Variants in WDSUB1 observed in about 807,000 individuals in gnomAD.
WDSUB1 encodes the protein WD repeat, SAM and U-box domain-containing protein 1.
Under a neutral mutation model 53.9 loss-of-function variants are expected in WDSUB1, and 49 were observed. The observed-to-expected ratio is 0.91, with a 90% confidence interval of 0.72 to 1.15. The LOEUF is 1.15. WDSUB1 is among the 50% of genes most tolerant of loss of function. The pLI is 0.00. For missense variants in WDSUB1, 514 were observed against 562.0 expected, an observed-to-expected ratio of 0.91 and a Z score of 0.86; for synonymous variants, 194 against 200.6, an observed-to-expected ratio of 0.97 and a Z score of 0.28.
intron 3 of WDSUB1, among the ~76,000 whole-genome samples, chr2:159,276,246 G>A (rs187862736): frequency 6.5e-4 from 99 of 152,166 alleles, no homozygotes; most frequent in African/African-American, 2.3e-3. Flanking sequence ...GTTTTTAGTA[G>A]AGACGGGGTT....
chr2:159,241,206 AC>A (rs1304705158), intron 10 of WDSUB1, among the ~76,000 whole-genome samples: 1 of 152,200 alleles, frequency 6.6e-6, no homozygotes, highest in Non-Finnish European at 1.5e-5. Context: ...TGGAACACCT[AC>A]CAGTGCAGGG....
chr2:159,269,165 A>ATTTTT (rs11324784), intron 5 of WDSUB1, among the ~76,000 whole-genome samples: 2 of 108,322 alleles, frequency 1.8e-5, no homozygotes, highest in Admixed American at 1.0e-4. Context: ...CTTTCCACAG[A>ATTTTT]TTTTTTTTTT....
At chr2:159,265,091 A>AC (rs1243992574) in intron 5 of WDSUB1, among the ~76,000 whole-genome samples, 22 of 146,096 alleles carry the variant, frequency 1.5e-4, no homozygotes, top group African/African-American at 5.8e-4. Flanking sequence ...TCTCAAAAAA[A>AC]AAAAAAAATA....
At chr2:159,271,233 A>T (rs982227176) in intron 5 of WDSUB1, among the ~76,000 whole-genome samples, 3 of 152,240 alleles carry the variant, frequency 2.0e-5, no homozygotes, top group African/African-American at 2.4e-5. Context: ...ATGAACATGT[A>T]CACCAGGACA....
chr2:159,258,883 C>T (rs112859668), intron 6 of WDSUB1, among the ~76,000 whole-genome samples: 1 of 152,300 alleles, frequency 6.6e-6, no homozygotes, highest in African/African-American at 2.4e-5. Flanking sequence ...CTCAGTGACT[C>T]GAACTTCTGT....
intron 9 of WDSUB1, among the ~76,000 whole-genome samples, chr2:159,253,678 C>T (rs76162448): frequency 0.032 from 4,809 of 152,158 alleles, 116 homozygotes; most frequent in African/African-American, 0.06. Context: ...CAAAGGCAAA[C>T]GCAGGTAAAA....
chr2:159,241,008 G>A (rs541675112), intron 10 of WDSUB1, among the ~76,000 whole-genome samples: 15 of 152,284 alleles, frequency 9.9e-5, no homozygotes, highest in African/African-American at 3.1e-4. Context: ...GCATGAAAGA[G>A]AAAAGTCTAC....
chr2:159,244,466 A>T (rs1473659310), intron 10 of WDSUB1, among the ~76,000 whole-genome samples: 1 of 151,702 alleles, frequency 6.6e-6, no homozygotes, highest in South Asian at 2.1e-4. Context: ...TAAGCTAGAG[A>T]TGATTTGAAA....
At chr2:159,247,507 G>A (rs552698267) in intron 10 of WDSUB1, among the ~76,000 whole-genome samples, 38 of 151,816 alleles carry the variant, frequency 2.5e-4, no homozygotes, top group East Asian at 3.9e-4. Flanking sequence ...GGAAAACCAG[G>A]TACAATTAGA....
chr2:159,275,944 A>G (rs913598056), intron 3 of WDSUB1, among the ~76,000 whole-genome samples: 1 of 152,222 alleles, frequency 6.6e-6, no homozygotes, highest in Non-Finnish European at 1.5e-5. Context: ...CTCTAACTCA[A>G]TTTGAGAGTC....
intron 5 of WDSUB1, among the ~76,000 whole-genome samples, chr2:159,261,874 ATATATATATATATATATATATATTTTT>A (rs1329715111): frequency 9.2e-4 from 13 of 14,066 alleles, no homozygotes; most frequent in South Asian, 2.9e-3. Flanking sequence ...ATATATATAT[ATATATATATATATATATATATATTTTT>A]TTTTTTTTTT....
At chr2:159,245,014 G>C (rs182248046) in intron 10 of WDSUB1, among the ~76,000 whole-genome samples, 1 of 152,272 alleles carries the variant, frequency 6.6e-6, no homozygotes, top group Admixed American at 6.5e-5. Context: ...TAACAGAAAA[G>C]AAGACCTAAG....
At chr2:159,268,506 G>C (rs1379642227) in intron 5 of WDSUB1, among the ~76,000 whole-genome samples, 1 of 152,138 alleles carries the variant, frequency 6.6e-6, no homozygotes, top group Non-Finnish European at 1.5e-5. Context: ...TGGCTGTTTG[G>C]CAAGAATTGG....
chr2:159,270,954 T>C (rs910643497), intron 5 of WDSUB1, among the ~76,000 whole-genome samples: 1 of 152,248 alleles, frequency 6.6e-6, no homozygotes, highest in South Asian at 2.1e-4. Context: ...AAAATACATA[T>C]GGCTAATAAA....
At chr2:159,236,240 G>A in intron 10 of WDSUB1, 50 bp from the exon 11 acceptor site, 1 of 1,546,644 alleles carries the variant, frequency 6.5e-7, no homozygotes, top group Non-Finnish European at 8.8e-7. Context: ...AGGGAAATGA[G>A]GATGTCTAAA....
rs1305266234 is a variant in WDSUB1, at chr2:159,247,466, T to C, written c.1273+906A>G. On this transcript the variant is annotated intron_variant, in intron 10 of 10. Transcript: ENST00000359774. ...CAACTATTAAGCTGGCAAAAGTAAATGGAGTTATAAAATACAATGATCACA... is the reference window on the plus strand; with the variant it reads ...CAACTATTAAGCTGGCAAAAGTAAACGGAGTTATAAAATACAATGATCACA... Among the ~76,000 whole-genome samples, 3 of 152,060 alleles carry C rather than the reference T, an allele frequency of 2.0e-5. No homozygotes were observed. The East Asian group carries it at 5.8e-4, about 29-fold the overall frequency.
chr2:159,261,878 ATATATATATATATATATATTTT>A (rs1307587897), intron 5 of WDSUB1, among the ~76,000 whole-genome samples: 2 of 15,748 alleles, frequency 1.3e-4, no homozygotes, highest in African/African-American at 7.3e-4. Flanking sequence ...ATATATATAT[ATATATATATATATATATATTTT>A]TTTTTTTTTT....
chr2:159,271,511 A>AT (rs2061442853), intron 5 of WDSUB1, among the ~76,000 whole-genome samples, 191 bp downstream of exon 5: 1 of 151,640 alleles, frequency 6.6e-6, no homozygotes, highest in African/African-American at 2.4e-5. Flanking sequence ...AGTAGTGCAT[A>AT]TGATCTAACA....
Position 159,279,830 on chromosome 2 carries a change from A to G in WDSUB1, c.514T>C (p.Cys172Arg), listed in dbSNP as rs2061615275. The change falls in exon 3 of 11, where the codon TGT becomes CGT. Residue 172 changes from cysteine (C) to arginine (R), a missense_variant. Cys to Arg is a radical substitution (Grantham distance 180). Coordinates refer to ENST00000359774, the MANE Select transcript of WDSUB1 (RefSeq NM_001128212.3). ...DLTVWDDKMR[C>R]LHSEKAHDLG... The stretch of plus-strand genomic sequence containing the variant: ...TCATGTGCTTTTTCACTATGCAGAC[A>G]CCTCATTTTATCATCCCACACTGTT... 6.2e-7 allele frequency: 1 copy of G among 1,612,752 alleles called. No individual in the cohort carries two copies. The highest frequency in any genetic ancestry group is 8.5e-7 in the Non-Finnish European group (1 of 1,179,164).
Sources: gnomAD v4.1 joint callset for allele counts (sites outside exome capture counted in the v4.1 genomes callset) on GRCh38, gnomAD v4.1.1 for gene constraint, MANE v1.5 for transcripts, NCBI Gene and HGNC (gene_info 2026-07-23, HGNC 2026-07-21) for gene names.